TENM2: variants seen among roughly 807,000 people sequenced by gnomAD.
The protein encoded by TENM2 is teneurin transmembrane protein 2.
A neutral mutation model predicts 245.2 loss-of-function variants in TENM2; 52 were observed. The ratio of observed to expected loss-of-function variants is 0.21; its 90% CI spans 0.17 to 0.27. TENM2 has a LOEUF of 0.27. TENM2 is among the 10% of genes least tolerant of loss of function. TENM2 has a pLI of 1.00. For missense variants in TENM2, 3,046 were observed against 3,666.8 expected, an observed-to-expected ratio of 0.83 and a Z score of 4.37; for synonymous variants, 1,363 against 1,438.9, an observed-to-expected ratio of 0.95 and a Z score of 1.19.
At chr5:168,175,852 A>C (rs1759310073) in intron 13 of TENM2, among the ~76,000 whole-genome samples, 1 of 152,142 alleles carries the variant, frequency 6.6e-6, no homozygotes, top group Non-Finnish European at 1.5e-5. Context: ...TGGCTCAGGG[A>C]GTGTAGAACC....
the TENM2 span, among the ~76,000 whole-genome samples, chr5:167,110,630 A>G: frequency 6.6e-6 from 1 of 152,240 alleles, no homozygotes; most frequent in Non-Finnish European, 1.5e-5. Context: ...TTTCCAGAAT[A>G]CATTGGAAGA....
At chr5:167,186,908 T>C in the TENM2 span, among the ~76,000 whole-genome samples, 47 of 152,196 alleles carry the variant, frequency 3.1e-4, no homozygotes, top group African/African-American at 1.1e-3. Context: ...TTCTAGTGTA[T>C]CAAATCATGT....
intron 2 of TENM2, 87 bp downstream of exon 4, chr5:167,375,560 GT>G: frequency 7.4e-7 from 1 of 1,349,984 alleles, no homozygotes; most frequent in Non-Finnish European, 1.0e-6. Context: ...ATGAAGCGGC[GT>G]CATAAAACCA....
the TENM2 span, among the ~76,000 whole-genome samples, chr5:167,162,020 G>T: frequency 6.6e-6 from 1 of 151,874 alleles, no homozygotes; most frequent in South Asian, 2.1e-4. Context: ...ACAAAAATTA[G>T]CCGGGTGTGG....
At chr5:167,178,784 A>T in the TENM2 span, among the ~76,000 whole-genome samples, 1 of 152,216 alleles carries the variant, frequency 6.6e-6, no homozygotes, top group Non-Finnish European at 1.5e-5. Flanking sequence ...CAGAGGGAAA[A>T]GAGTCACATT....
chr5:168,104,217 C>T (rs55675285), intron 9 of TENM2, among the ~76,000 whole-genome samples: 26,141 of 151,974 alleles, frequency 0.17, 2,387 homozygotes, highest in Admixed American at 0.23. Flanking sequence ...TTCATAGAGA[C>T]GAGGTTTCAC....
chr5:167,702,323 T>C (rs994334171), intron 2 of TENM2, among the ~76,000 whole-genome samples: 4 of 151,982 alleles, frequency 2.6e-5, no homozygotes, highest in Non-Finnish European at 4.4e-5. Context: ...TAGAGCTGCT[T>C]GGGTTTTACT....
chr5:167,209,638 A>G, the TENM2 span, among the ~76,000 whole-genome samples: 1 of 151,866 alleles, frequency 6.6e-6, no homozygotes, highest in East Asian at 1.9e-4. Context: ...ATTTTAGACT[A>G]TTTTCTGCTC....
chr5:167,817,955 C>G (rs6555770), intron 2 of TENM2, among the ~76,000 whole-genome samples: 40,840 of 152,028 alleles, frequency 0.27, 6,456 homozygotes, highest in East Asian at 0.53. Flanking sequence ...CTCAGCCTCT[C>G]TTCCCTGTAA....
At chr5:166,991,504 A>G in the TENM2 span, among the ~76,000 whole-genome samples, 8 of 152,188 alleles carry the variant, frequency 5.3e-5, no homozygotes, top group African/African-American at 1.9e-4. Context: ...TAGTTAATGT[A>G]TGTGATGTGA....
chr5:168,119,550 G>T (rs529969313), intron 10 of TENM2, among the ~76,000 whole-genome samples: 1 of 152,328 alleles, frequency 6.6e-6, no homozygotes, highest in Non-Finnish European at 1.5e-5. Flanking sequence ...TATGGTCTCT[G>T]GTTGCCATTT....
intron 2 of TENM2, among the ~76,000 whole-genome samples, chr5:167,768,218 G>C (rs772999243): frequency 2.7e-4 from 41 of 152,152 alleles, no homozygotes; most frequent in Non-Finnish European, 3.8e-4. Context: ...TTTTCCATTG[G>C]TTTTGTTTTC....
intron 2 of TENM2, among the ~76,000 whole-genome samples, chr5:167,652,748 A>G (rs559937143): frequency 6.6e-6 from 1 of 152,208 alleles, no homozygotes; most frequent in South Asian, 2.1e-4. Flanking sequence ...TTGCATTTCT[A>G]CTGCCACAGT....
chr5:168,095,759 G>A (rs1204016510), intron 8 of TENM2, among the ~76,000 whole-genome samples: 2 of 152,122 alleles, frequency 1.3e-5, no homozygotes, highest in Non-Finnish European at 2.9e-5. Flanking sequence ...ACAGATCTGA[G>A]ATCTTACCCT....
intron 2 of TENM2, among the ~76,000 whole-genome samples, chr5:167,761,989 A>G (rs988604424): frequency 6.6e-6 from 1 of 152,242 alleles, no homozygotes; most frequent in Admixed American, 6.5e-5. Context: ...CATTGGAACC[A>G]GCGCCTCAGC....
chr5:167,686,028 T>C (rs372771572), intron 2 of TENM2, among the ~76,000 whole-genome samples: 3 of 152,206 alleles, frequency 2.0e-5, no homozygotes, highest in African/African-American at 7.2e-5. Context: ...AATAAAAGTA[T>C]GTTTCTCATA....
chr5:167,406,602 G>GT (rs1341857149), intron 2 of TENM2, among the ~76,000 whole-genome samples: 2 of 152,188 alleles, frequency 1.3e-5, no homozygotes, highest in Admixed American at 6.5e-5. Context: ...AATGAGCATA[G>GT]TTTTTTTCCT....
rs576533865 is a variant in TENM2, at chr5:168,142,119, G to A, written c.2422+15153G>A. ...CATTCAAGCCCACCAGGCTGAACTA[G>A]CCATCAGGTGAAATTAACTCCTGAC... On this transcript the variant is annotated intron_variant, in intron 12 of 28. Transcript: ENST00000518659. Among the ~76,000 whole-genome samples the A allele has an allele frequency of 6.6e-4, 101 of 152,344 alleles. No homozygotes were observed. The Middle Eastern group carries it at 0.014, about 21-fold the overall frequency.
chr5:167,063,460 C>G, the TENM2 span, among the ~76,000 whole-genome samples: 2 of 152,112 alleles, frequency 1.3e-5, no homozygotes, highest in Admixed American at 1.3e-4. Context: ...GGAACGATGT[C>G]TGTGTATCTG....
Sources: gnomAD v4.1 joint callset for allele counts (sites outside exome capture counted in the v4.1 genomes callset) on GRCh38, gnomAD v4.1.1 for gene constraint, MANE v1.5 for transcripts, NCBI Gene and HGNC (gene_info 2026-07-23, HGNC 2026-07-21) for gene names.